The following SGMS1 variants were observed in gnomAD, a reference collection of about 807,000 sequenced individuals.
SGMS1 encodes phosphatidylcholine:ceramide cholinephosphotransferase 1.
Under a neutral mutation model 46.2 loss-of-function variants are expected in SGMS1, and 13 were observed. The observed-to-expected ratio is 0.28, with a 90% CI of 0.18 to 0.45. SGMS1 has a LOEUF of 0.45. SGMS1 is among the 20% of genes least tolerant of loss of function. The probability of loss-of-function intolerance (pLI) is 1.00; values close to 1 mark genes in which losing one functional copy is unlikely to be tolerated. For synonymous variants in SGMS1, 203 were observed against 187.8 expected, an observed-to-expected ratio of 1.08 and a Z score of -0.66; for missense variants, 324 against 519.9, an observed-to-expected ratio of 0.62 and a Z score of 3.66.
intron 3 of SGMS1, among the ~76,000 whole-genome samples, chr10:50,471,658 G>C (rs1253920060): frequency 2.6e-5 from 4 of 152,102 alleles, no homozygotes; most frequent in Admixed American, 2.6e-4. Flanking sequence ...CTCAATCCCT[G>C]TTTTAGCCTT....
At chr10:50,353,509 T>C (rs1848064021) in intron 6 of SGMS1, among the ~76,000 whole-genome samples, 1 of 152,296 alleles carries the variant, frequency 6.6e-6, no homozygotes, top group Non-Finnish European at 1.5e-5. Context: ...ACTGGAAGCA[T>C]TCCCTTTGAA....
chr10:50,446,574 T>A (rs1455805718), intron 5 of SGMS1, among the ~76,000 whole-genome samples: 1 of 152,196 alleles, frequency 6.6e-6, no homozygotes, highest in Non-Finnish European at 1.5e-5. Flanking sequence ...AATAGAATAC[T>A]ACTCAATAGC....
chr10:50,614,838 T>G (rs1224640087), intron 1 of SGMS1, among the ~76,000 whole-genome samples: 1 of 152,252 alleles, frequency 6.6e-6, no homozygotes, highest in Non-Finnish European at 1.5e-5. Flanking sequence ...TCCAGGGCAT[T>G]CTTTTTCCTA....
chr10:50,370,111 G>A (rs2133441703), intron 6 of SGMS1, among the ~76,000 whole-genome samples: 1 of 152,270 alleles, frequency 6.6e-6, no homozygotes, highest in Admixed American at 6.5e-5. Flanking sequence ...AAGTTGCTCT[G>A]GGTGAGTCAG....
chr10:50,611,777 G>A (rs1471955590), intron 1 of SGMS1, among the ~76,000 whole-genome samples: 5 of 152,148 alleles, frequency 3.3e-5, no homozygotes, highest in South Asian at 2.1e-4. Context: ...CATCCCTGCC[G>A]CTGCCCCCTG....
chr10:50,461,380 G>T (rs1837262396), intron 4 of SGMS1, among the ~76,000 whole-genome samples: 1 of 152,082 alleles, frequency 6.6e-6, no homozygotes, highest in Admixed American at 6.6e-5. Flanking sequence ...ATAATGTCTT[G>T]TATTAAAGAA....
chr10:50,424,912 C>CA (rs55683387), intron 6 of SGMS1, among the ~76,000 whole-genome samples: 4,534 of 51,586 alleles, frequency 0.088, 120 homozygotes, highest in Middle Eastern at 0.12. Flanking sequence ...AACTCCGTCT[C>CA]AAAAAAAAAA....
chr10:50,336,176 A>T (rs1847714750), intron 7 of SGMS1: 1 of 152,308 alleles, frequency 6.6e-6, no homozygotes, highest in South Asian at 2.1e-4. Context: ...GGCCTGCAAG[A>T]GGCTAGGAGA....
intron 5 of SGMS1, among the ~76,000 whole-genome samples, chr10:50,437,653 C>A (rs890335582): frequency 2.0e-5 from 3 of 152,118 alleles, no homozygotes; most frequent in African/African-American, 7.2e-5. Flanking sequence ...GTTACTGGGG[C>A]AAAAGAGTAA....
intron 3 of SGMS1, among the ~76,000 whole-genome samples, chr10:50,471,119 T>C (rs890687564): frequency 6.6e-6 from 1 of 152,188 alleles, no homozygotes; most frequent in African/African-American, 2.4e-5. Context: ...GATAGGTTCA[T>C]GGGAACAAAG....
At chr10:50,404,901 T>C (rs1039308872) in intron 6 of SGMS1, among the ~76,000 whole-genome samples, 6 of 152,106 alleles carry the variant, frequency 3.9e-5, no homozygotes, top group Non-Finnish European at 1.5e-5. Context: ...ATAAAGAAGA[T>C]CTGTATGTGT....
intron 1 of SGMS1, among the ~76,000 whole-genome samples, chr10:50,608,715 T>G (rs1027671346): frequency 2.0e-5 from 3 of 152,218 alleles, no homozygotes; most frequent in African/African-American, 7.2e-5. Flanking sequence ...ACACCTGATA[T>G]GACTATACAG....
chr10:50,329,452 A>G (rs1023255386), intron 7 of SGMS1, among the ~76,000 whole-genome samples: 2 of 152,220 alleles, frequency 1.3e-5, no homozygotes, highest in Admixed American at 6.5e-5. Context: ...TGTTTTTAAG[A>G]ATTTTCTGCT....
intron 2 of SGMS1, among the ~76,000 whole-genome samples, chr10:50,570,292 A>T (rs1447588494): frequency 6.6e-6 from 1 of 152,218 alleles, no homozygotes; most frequent in East Asian, 1.9e-4. Flanking sequence ...TTATGCAAAC[A>T]TCACTGTGCT....
At chr10:50,528,830 C>T (rs1223877111) in intron 2 of SGMS1, among the ~76,000 whole-genome samples, 2 of 142,338 alleles carry the variant, frequency 1.4e-5, no homozygotes, top group African/African-American at 2.7e-5. Context: ...AGAGCAAGAC[C>T]CTTCTTCCAA....
chr10:50,531,356 G>C (rs1837951527), intron 2 of SGMS1, among the ~76,000 whole-genome samples: 1 of 151,656 alleles, frequency 6.6e-6, no homozygotes, highest in Admixed American at 6.6e-5. Context: ...GTTCGAGGAA[G>C]TGCCATACAT....
chr10:50,484,959 G>A (rs370807308), intron 3 of SGMS1, among the ~76,000 whole-genome samples: 6 of 152,116 alleles, frequency 3.9e-5, no homozygotes, highest in African/African-American at 1.4e-4. Flanking sequence ...GGCAAAAGCT[G>A]GAAGCATTCT....
intron 2 of SGMS1, among the ~76,000 whole-genome samples, chr10:50,529,554 T>C (rs1837934258): frequency 6.6e-6 from 1 of 152,200 alleles, no homozygotes; most frequent in Non-Finnish European, 1.5e-5. Context: ...TTACAGGAGG[T>C]TCGATTTTCT....
At chr10:50,387,377 G>A (rs1848698178) in intron 6 of SGMS1, among the ~76,000 whole-genome samples, 1 of 152,174 alleles carries the variant, frequency 6.6e-6, no homozygotes, top group African/African-American at 2.4e-5. Context: ...CATGGAGGGA[G>A]CTATTAGAAA....
Sources: allele counts gnomAD v4.1 joint callset (sites outside exome capture counted in the v4.1 genomes callset), GRCh38; gene constraint gnomAD v4.1.1; transcripts MANE v1.5; gene names NCBI Gene and HGNC (gene_info 2026-07-23, HGNC 2026-07-21).